Variants in PFKFB4 observed in about 807,000 individuals in gnomAD.
PFKFB4 encodes the protein 6-phosphofructo-2-kinase/fructose-2,6-bisphosphatase 4.
A neutral mutation model predicts 62.8 loss-of-function variants in PFKFB4; 42 were observed. The ratio of observed to expected loss-of-function variants is 0.67; its 90% CI spans 0.52 to 0.86. The LOEUF is 0.86. Ranked by LOEUF, PFKFB4 falls within the 40% of genes least tolerant of loss-of-function variation. The pLI is 0.00. For synonymous variants in PFKFB4, 204 were observed against 240.7 expected, an observed-to-expected ratio of 0.85 and a Z score of 1.41; for missense variants, 475 against 627.2, an observed-to-expected ratio of 0.76 and a Z score of 2.59.
chr3:48,525,596 T>G lies in PFKFB4; in HGVS notation c.1061A>C (p.Asp354Ala). The G allele has an allele frequency of 6.2e-7, 1 of 1,606,844 alleles. No homozygotes were observed. Among genetic ancestry groups the G allele is most frequent in the Non-Finnish European group, 8.5e-7 (1 of 1,175,654 alleles). Residue 354 changes from aspartate (D) to alanine (A), a missense_variant, in exon 10 of 14, where the codon GAC becomes GCC. Transcript: ENST00000232375. Reference protein sequence around the residue: ...YPLEFALRDQDKYRYRYPKGE... With the variant: ...YPLEFALRDQAKYRYRYPKGE... ...TTTAGGGTACCGGTACCGGTACTTG[T>G]CCTGGTCCCGCAGGGCGAACTCCAG... is the stretch of plus-strand genomic sequence containing the variant.
At chr3:48,545,636 G>GC (rs1221568336) in intron 3 of PFKFB4, among the ~76,000 whole-genome samples, 1 of 141,832 alleles carries the variant, frequency 7.1e-6, no homozygotes, top group Non-Finnish European at 1.6e-5. Flanking sequence ...TCTTTCTTTT[G>GC]TTTTTTTTTT....
rs527289818 is a variant in PFKFB4, at chr3:48,542,660, C to T, written c.378+920G>A. 7.9e-4 allele frequency among the ~76,000 whole-genome samples: 120 copies of T among 152,138 alleles called. 1 individual carries two copies. Among genetic ancestry groups the T allele is most frequent in the Middle Eastern group, 3.4e-3 (1 of 294 alleles). ...CGGAAGGGGCATGAGAAACTCTCAG[C>T]TCCCTCTAAGAGATGAAGCTTTTAG... On this transcript the variant is annotated intron_variant, in intron 4 of 13. Transcript: ENST00000232375.
chr3:48,545,604 C>T (rs1490063754), intron 3 of PFKFB4, among the ~76,000 whole-genome samples: 8 of 151,936 alleles, frequency 5.3e-5, no homozygotes, highest in South Asian at 2.1e-4. Flanking sequence ...TCTACTCTTA[C>T]GGCTCCTTGT....
chr3:48,520,624 G>A (rs1356383193), intron 13 of PFKFB4, among the ~76,000 whole-genome samples: 1 of 152,190 alleles, frequency 6.6e-6, no homozygotes, highest in Non-Finnish European at 1.5e-5. Flanking sequence ...GGAATTGTAG[G>A]GGCAGGTATA....
intron 1 of PFKFB4, among the ~76,000 whole-genome samples, chr3:48,552,611 CA>C (rs766244470): frequency 6.8e-4 from 103 of 152,232 alleles, no homozygotes; most frequent in Admixed American, 1.2e-3. Flanking sequence ...AGTTCCCGGC[CA>C]GGTGGCCGGG....
intron 1 of PFKFB4, among the ~76,000 whole-genome samples, chr3:48,552,283 G>C (rs951262245): frequency 6.6e-6 from 1 of 152,228 alleles, no homozygotes. Flanking sequence ...GGTGTACCTC[G>C]GCACCGACTG....
At chr3:48,559,113 A>G (rs1003941553), upstream of PFKFB4, among the ~76,000 whole-genome samples, 2 of 152,164 alleles carry the variant, frequency 1.3e-5, no homozygotes, top group South Asian at 2.1e-4. Flanking sequence ...GGCCAGGGCT[A>G]TCTCTGGGAA....
At chr3:48,561,101 C>T (rs1032853372), upstream of PFKFB4, 16 of 1,284,250 alleles carry the variant, frequency 1.2e-5, no homozygotes, top group South Asian at 3.8e-5. This position sits in a 1 kb window ranked among gnomAD's most constrained non-coding sequence, Gnocchi z 5.2. Flanking sequence ...TGCCTCCTAA[C>T]GAGCCTCTGT....
Position 48,519,172 on chromosome 3 carries a change from G to T in PFKFB4, c.*575C>A, listed in dbSNP as rs2042009704. ...ACATGGATACAACGGCCTGGCCAGT[G>T]GCTGCCCAGGAAGCATCTGCTGTGG... On this transcript the variant is annotated 3_prime_UTR_variant, in exon 14 of 14. Coordinates refer to ENST00000232375, the MANE Select transcript of PFKFB4 (RefSeq NM_004567.4). 1 of 152,478 alleles carries T rather than the reference G, an allele frequency of 6.6e-6. No homozygotes were observed. Among genetic ancestry groups the T allele is most frequent in the African/African-American group, 2.4e-5 (1 of 41,456 alleles). 9.4% of individuals were successfully genotyped at this position (152,478 alleles called of 1,614,324 possible).
At chr3:48,563,080 G>C (rs763726856), upstream of PFKFB4, 22 of 1,611,952 alleles carry the variant, frequency 1.4e-5, no homozygotes, top group South Asian at 1.3e-4. The surrounding 1 kb of genome is among the most constrained non-coding windows in gnomAD (Gnocchi z 4.5). Context: ...CCAGGACTCT[G>C]CCCAACATCA....
chr3:48,542,068 T>C (rs56976728), intron 4 of PFKFB4, among the ~76,000 whole-genome samples: 4,604 of 152,224 alleles, frequency 0.03, 228 homozygotes, highest in African/African-American at 0.11. Context: ...AGAGAAAGGC[T>C]GGGCGTGGTG....
chr3:48,559,078 TA>T (rs2043393049), upstream of PFKFB4, among the ~76,000 whole-genome samples: 1 of 152,054 alleles, frequency 6.6e-6, no homozygotes, highest in Non-Finnish European at 1.5e-5. Context: ...GGGCTGGGGG[TA>T]GAGGACAGCT....
intron 9 of PFKFB4, among the ~76,000 whole-genome samples, chr3:48,534,217 A>G (rs541692648): frequency 6.6e-6 from 1 of 152,340 alleles, no homozygotes; most frequent in African/African-American, 2.4e-5. Flanking sequence ...GAAGAAATTA[A>G]AAAACCAGAA....
chr3:48,525,069 A>T (rs1479974055), intron 10 of PFKFB4, among the ~76,000 whole-genome samples: 10 of 151,892 alleles, frequency 6.6e-5, no homozygotes, highest in Non-Finnish European at 1.5e-4. Context: ...CGAGACAGGG[A>T]CTCGAGTGAG....
rs542370645 is a variant in PFKFB4, at chr3:48,519,466, C to T, written c.*281G>A. Reference sequence around the variant, plus strand: ...GGCGAGAGTGAACACCTAAGAGCTGCGCCGGAAGAAACTGGGGCTGGGCAA... The same window carrying T: ...GGCGAGAGTGAACACCTAAGAGCTGTGCCGGAAGAAACTGGGGCTGGGCAA... On this transcript the variant is annotated 3_prime_UTR_variant, in exon 14 of 14. Transcript: ENST00000232375. The T allele has an allele frequency of 6.6e-6, 3 of 452,068 alleles. No homozygotes were observed. The highest frequency in any genetic ancestry group is 3.9e-5 in the African/African-American group (2 of 50,936). 28.0% of individuals were successfully genotyped at this position (452,068 alleles called of 1,614,324 possible).
intron 7 of PFKFB4, chr3:48,536,719 C>T (rs2042630631): frequency 8.1e-6 from 4 of 492,048 alleles, no homozygotes; most frequent in Admixed American, 3.4e-5. Context: ...CCAAAGGTGA[C>T]ATCCAAAGTG....
chr3:48,528,718 C>T (rs1379198368), intron 9 of PFKFB4, among the ~76,000 whole-genome samples: 1 of 152,210 alleles, frequency 6.6e-6, no homozygotes, highest in South Asian at 2.1e-4. Context: ...GCATTATCCA[C>T]ATAGCCCAAA....
chr3:48,558,517 G>A (rs905634557), upstream of PFKFB4, among the ~76,000 whole-genome samples: 2 of 152,204 alleles, frequency 1.3e-5, no homozygotes, highest in Non-Finnish European at 2.9e-5. Context: ...GCCCTGCCTT[G>A]GATCAGTCCA....
intron 1 of PFKFB4, among the ~76,000 whole-genome samples, chr3:48,551,600 G>C (rs1250642754): frequency 7.6e-6 from 1 of 131,248 alleles, no homozygotes; most frequent in Non-Finnish European, 1.6e-5. Context: ...GAGTGCTGGA[G>C]GACACTGGTA....
Sources: allele counts gnomAD v4.1 joint callset (sites outside exome capture counted in the v4.1 genomes callset), GRCh38; gene constraint gnomAD v4.1.1; non-coding constraint Gnocchi (gnomAD v3.1); transcripts MANE v1.5; gene names NCBI Gene and HGNC (gene_info 2026-07-23, HGNC 2026-07-21).